The following LINGO2 variants were observed in gnomAD, a reference collection of about 807,000 sequenced individuals.
The protein encoded by LINGO2 is leucine-rich repeat and immunoglobulin-like domain-containing nogo receptor-interacting protein 2.
LINGO2 carries 14 observed loss-of-function variants against 30.6 expected under a neutral mutation model. The observed-to-expected ratio is 0.46, with a 90% confidence interval of 0.30 to 0.72. LINGO2 has a LOEUF of 0.72. Ranked by LOEUF, LINGO2 falls within the 30% of genes least tolerant of loss-of-function variation. LINGO2 has a pLI of 0.07. For missense variants in LINGO2, 729 were observed against 751.7 expected (o/e 0.97, Z 0.35); for synonymous variants, 317 against 288.5 (o/e 1.10, Z -1.00).
At chr9:28,693,051 C>G in the LINGO2 span, among the ~76,000 whole-genome samples, 2 of 151,920 alleles carry the variant, frequency 1.3e-5, no homozygotes, top group African/African-American at 4.8e-5. Context: ...AATGAGCATA[C>G]AGTTATCACC....
chr9:28,227,547 C>A (rs912817509), intron 4 of LINGO2, among the ~76,000 whole-genome samples: 2 of 151,714 alleles, frequency 1.3e-5, no homozygotes. Context: ...TATTCTTTAA[C>A]AATAAAATCA....
chr9:28,530,718 G>T (rs1039920925), intron 1 of LINGO2, among the ~76,000 whole-genome samples: 52 of 152,128 alleles, frequency 3.4e-4, no homozygotes, highest in Non-Finnish European at 6.0e-4. Context: ...CACTAATTAT[G>T]TGTCAGTAAT....
intron 4 of LINGO2, chr9:28,080,576 ACACC>A (rs1825745862): frequency 6.6e-6 from 1 of 152,202 alleles, no homozygotes; most frequent in African/African-American, 2.4e-5. Context: ...TATTTGAATG[ACACC>A]AAAGCAAGTA....
the LINGO2 span, among the ~76,000 whole-genome samples, chr9:29,180,805 AATG>A: frequency 6.6e-6 from 1 of 152,238 alleles, no homozygotes; most frequent in Non-Finnish European, 1.5e-5. Flanking sequence ...ACAAGTGTTT[AATG>A]ATATTATGAC....
At chr9:29,193,179 T>G in the LINGO2 span, among the ~76,000 whole-genome samples, 3 of 152,208 alleles carry the variant, frequency 2.0e-5, no homozygotes, top group Non-Finnish European at 4.4e-5. Context: ...AAAATGTATC[T>G]CTAACTCTTT....
In LINGO2 at chr9:28,048,593, CATA is replaced by C. The variant is rs1216037209; in HGVS notation, c.-86-36191_-86-36189del. On this transcript the variant is annotated intron_variant, in intron 4 of 5. Transcript: ENST00000379992. ...ATACCTCTTTTGGACAGTAATTAAG[CATA>C]ATAATTTATAGACTGATTCGGTAAT... 5.3e-5 allele frequency among the ~76,000 whole-genome samples: 8 copies of C among 150,604 alleles called. 1 individual carries two copies. The highest frequency in any genetic ancestry group is 2.0e-4 in the African/African-American group (8 of 40,752).
chr9:28,297,981 T>C (rs990645591), intron 3 of LINGO2, among the ~76,000 whole-genome samples: 1 of 152,186 alleles, frequency 6.6e-6, no homozygotes, highest in Non-Finnish European at 1.5e-5. Flanking sequence ...TTCTATTTGT[T>C]TTCTCTAAAA....
chr9:28,121,065 T>C (rs1827081257), intron 4 of LINGO2, among the ~76,000 whole-genome samples: 1 of 152,168 alleles, frequency 6.6e-6, no homozygotes, highest in African/African-American at 2.4e-5. Flanking sequence ...ATATTTTAGA[T>C]ACACTGATAG....
the LINGO2 span, among the ~76,000 whole-genome samples, chr9:28,787,986 C>T: frequency 6.6e-6 from 1 of 152,092 alleles, no homozygotes; most frequent in Non-Finnish European, 1.5e-5. Flanking sequence ...TCAGTACTGC[C>T]TCTCAGGTAA....
intron 1 of LINGO2, among the ~76,000 whole-genome samples, chr9:28,583,149 C>T (rs755119747): frequency 6.6e-6 from 1 of 151,840 alleles, no homozygotes; most frequent in African/African-American, 2.4e-5. Flanking sequence ...ATATAATTTT[C>T]TCAACTAGTA....
chr9:28,915,405 G>A, the LINGO2 span, among the ~76,000 whole-genome samples: 1 of 152,082 alleles, frequency 6.6e-6, no homozygotes, highest in Non-Finnish European at 1.5e-5. Flanking sequence ...GGTCTGGGGT[G>A]TGGCTTGAGA....
At chr9:29,066,124 G>A in the LINGO2 span, among the ~76,000 whole-genome samples, 3 of 151,788 alleles carry the variant, frequency 2.0e-5, no homozygotes, top group Non-Finnish European at 2.9e-5. Context: ...AAATAAGGGA[G>A]AGTCTCGCAA....
intron 2 of LINGO2, among the ~76,000 whole-genome samples, chr9:28,395,091 TTGG>T (rs1821986311): frequency 6.6e-6 from 1 of 152,216 alleles, no homozygotes; most frequent in Non-Finnish European, 1.5e-5. Context: ...CATGGAATCA[TTGG>T]CATAGGAAAC....
At chr9:28,459,037 A>G (rs1380799630) in intron 2 of LINGO2, among the ~76,000 whole-genome samples, 4 of 151,878 alleles carry the variant, frequency 2.6e-5, no homozygotes, top group African/African-American at 9.7e-5. Flanking sequence ...TTATCCATAA[A>G]ATAAAATCCT....
At chr9:28,134,580 C>T (rs981901836) in intron 4 of LINGO2, among the ~76,000 whole-genome samples, 58 of 147,180 alleles carry the variant, frequency 3.9e-4, no homozygotes, top group Middle Eastern at 3.6e-3. Context: ...TAGCCGATTC[C>T]GGAGAGCACA....
At chr9:29,013,553 G>C in the LINGO2 span, among the ~76,000 whole-genome samples, 1 of 152,200 alleles carries the variant, frequency 6.6e-6, no homozygotes, top group African/African-American at 2.4e-5. Flanking sequence ...TAGCCACTTA[G>C]AGTGTTAGAT....
chr9:28,550,733 CAG>C (rs767887264), intron 1 of LINGO2, among the ~76,000 whole-genome samples: 61 of 151,608 alleles, frequency 4.0e-4, no homozygotes, highest in Admixed American at 3.3e-4. Context: ...TAGTAAACAC[CAG>C]TGAAAAATAG....
At chr9:28,479,856 T>C (rs1315850240) in intron 1 of LINGO2, among the ~76,000 whole-genome samples, 9 of 61,802 alleles carry the variant, frequency 1.5e-4, no homozygotes, top group South Asian at 7.3e-4. Flanking sequence ...TGTGTGTGTG[T>C]GTGTGTGTGT....
intron 4 of LINGO2, among the ~76,000 whole-genome samples, chr9:28,269,095 A>G (rs990558981): frequency 3.9e-5 from 6 of 152,042 alleles, no homozygotes; most frequent in African/African-American, 1.4e-4. Context: ...CCAGTTCAGA[A>G]CTATCACCTT....
Sources: allele counts gnomAD v4.1 joint callset (sites outside exome capture counted in the v4.1 genomes callset), GRCh38; gene constraint gnomAD v4.1.1; transcripts MANE v1.5; gene names NCBI Gene and HGNC (gene_info 2026-07-23, HGNC 2026-07-21).